DENND5B: variants seen among roughly 807,000 people sequenced by gnomAD.
DENND5B encodes the protein DENN domain-containing protein 5B.
DENND5B carries 34 observed loss-of-function variants against 140.6 expected under a neutral mutation model. That is an observed-to-expected ratio of 0.24 (90% CI 0.18 to 0.32). The LOEUF (loss-of-function observed/expected upper bound fraction) is 0.32, where lower values mean the gene tolerates loss of function less well. DENND5B is among the 10% of genes least tolerant of loss of function. The pLI is 1.00. For synonymous variants in DENND5B, 551 were observed against 562.1 expected (o/e 0.98, Z 0.28); for missense variants, 1,142 against 1,560.2 (o/e 0.73, Z 4.52).
chr12:31,531,311 T>C (rs1429881519), intron 1 of DENND5B, among the ~76,000 whole-genome samples: 1 of 152,218 alleles, frequency 6.6e-6, no homozygotes, highest in African/African-American at 2.4e-5. Flanking sequence ...GCCATTCTCC[T>C]GCCTCAGCCT....
intron 1 of DENND5B, among the ~76,000 whole-genome samples, chr12:31,548,460 T>A (rs1948935960): frequency 6.6e-6 from 1 of 151,906 alleles, no homozygotes. Flanking sequence ...ACCCACAGTA[T>A]CTAAGACCAG....
At chr12:31,545,592 G>C (rs1242923228) in intron 1 of DENND5B, among the ~76,000 whole-genome samples, 2 of 152,194 alleles carry the variant, frequency 1.3e-5, no homozygotes, top group African/African-American at 4.8e-5. Context: ...TAAAATGTAT[G>C]TAGTAATGAA....
intron 1 of DENND5B, among the ~76,000 whole-genome samples, chr12:31,501,671 G>A (rs897535917): frequency 6.6e-6 from 1 of 151,730 alleles, no homozygotes; most frequent in Non-Finnish European, 1.5e-5. Flanking sequence ...TACTTGGGAG[G>A]CTGAGGCAGA....
At chr12:31,553,964 C>G (rs868588584) in intron 1 of DENND5B, among the ~76,000 whole-genome samples, 1 of 152,026 alleles carries the variant, frequency 6.6e-6, no homozygotes, top group Non-Finnish European at 1.5e-5. Flanking sequence ...TGTCTCTGCA[C>G]GTGAGATGGG....
At chr12:31,498,154 C>T (rs538778212) in intron 1 of DENND5B, among the ~76,000 whole-genome samples, 98 of 152,232 alleles carry the variant, frequency 6.4e-4, no homozygotes, top group Admixed American at 3.1e-3. Flanking sequence ...CCTTCACCTA[C>T]CCTCTAACAC....
At chr12:31,522,478 T>C (rs1204017549) in intron 1 of DENND5B, among the ~76,000 whole-genome samples, 1 of 152,200 alleles carries the variant, frequency 6.6e-6, no homozygotes, top group African/African-American at 2.4e-5. Flanking sequence ...AAGGTCTGGC[T>C]CTATTACCCT....
chr12:31,390,079 C>A (rs1289440786), intron 19 of DENND5B, among the ~76,000 whole-genome samples: 1 of 151,468 alleles, frequency 6.6e-6, no homozygotes, highest in Admixed American at 6.6e-5. Context: ...ATGAAATAAA[C>A]TACTTCATCT....
At chr12:31,470,239 C>T (rs181980896) in intron 3 of DENND5B, among the ~76,000 whole-genome samples, 4 of 151,694 alleles carry the variant, frequency 2.6e-5, no homozygotes, top group Admixed American at 1.3e-4. Flanking sequence ...CTCAGCCTCC[C>T]GAGTAGCTGG....
chr12:31,466,095 C>T (rs565199695), intron 3 of DENND5B, among the ~76,000 whole-genome samples: 49 of 152,346 alleles, frequency 3.2e-4, no homozygotes, highest in African/African-American at 9.6e-4. Flanking sequence ...TGTGGTGGCT[C>T]ACGCCTGTAA....
chr12:31,519,062 G>A (rs1046090368), intron 1 of DENND5B, among the ~76,000 whole-genome samples: 1 of 152,196 alleles, frequency 6.6e-6, no homozygotes, highest in East Asian at 1.9e-4. Flanking sequence ...GAGAGTAAAA[G>A]TGGGGCCTAG....
At chr12:31,508,748 A>G (rs2138890874) in intron 1 of DENND5B, among the ~76,000 whole-genome samples, 1 of 152,224 alleles carries the variant, frequency 6.6e-6, no homozygotes, top group Non-Finnish European at 1.5e-5. Flanking sequence ...CTCCCCTACT[A>G]TGTTTGGTGT....
intron 11 of DENND5B, among the ~76,000 whole-genome samples, chr12:31,423,371 A>G (rs1317324059): frequency 6.6e-6 from 1 of 152,196 alleles, no homozygotes; most frequent in Non-Finnish European, 1.5e-5. Context: ...AGCCTAGGTA[A>G]TCTCATTTTT....
At position 31,426,381 on chromosome 12, in the gene DENND5B, T is replaced by A; in HGVS notation, c.2150A>T (p.Gln717Leu). 6.2e-7 allele frequency: 1 copy of A among 1,612,614 alleles called. No individual in the cohort carries two copies. Among genetic ancestry groups the A allele is most frequent in the Non-Finnish European group, 8.5e-7 (1 of 1,179,236 alleles). Residue 717 changes from glutamine (Q) to leucine (L), a missense_variant, in exon 9 of 21, where the codon CAA becomes CTA. Physicochemically the swap from Gln to Leu is moderately radical, Grantham distance 113. Coordinates refer to ENST00000389082, the MANE Select transcript of DENND5B (RefSeq NM_144973.4). The part of the protein sequence containing the change: ...EARSLGKNLR[Q>L]PKLSDLSPAV... The stretch of plus-strand genomic sequence containing the variant: ...AGGAGAGAGGTCTGACAGTTTGGGT[T>A]GCCTCAGGTTTTTTCCTAAACTTCG...
chr12:31,512,077 T>C (rs956633730), intron 1 of DENND5B, among the ~76,000 whole-genome samples: 4 of 149,800 alleles, frequency 2.7e-5, no homozygotes, highest in Admixed American at 2.0e-4. Flanking sequence ...CCACCATGCC[T>C]GGCTAATTTT....
intron 3 of DENND5B, among the ~76,000 whole-genome samples, chr12:31,476,677 C>T (rs543090961): frequency 1.3e-5 from 2 of 152,150 alleles, no homozygotes; most frequent in East Asian, 1.9e-4. Context: ...CTACTCGGGA[C>T]GCTGAGATGG....
chr12:31,447,452 T>C (rs1401626963), intron 6 of DENND5B, 86 bp downstream of exon 6: 5 of 1,220,732 alleles, frequency 4.1e-6, no homozygotes, highest in Non-Finnish European at 5.6e-6. Context: ...AACTGAAAAT[T>C]AATTTTGTTG....
At chr12:31,445,587 C>A (rs562983782) in intron 6 of DENND5B, among the ~76,000 whole-genome samples, 2 of 152,036 alleles carry the variant, frequency 1.3e-5, no homozygotes, top group East Asian at 3.9e-4. Context: ...CATCTGTAGT[C>A]CCAGCTACTT....
chr12:31,468,448 A>G (rs1162511710), intron 3 of DENND5B, among the ~76,000 whole-genome samples: 2 of 152,094 alleles, frequency 1.3e-5, no homozygotes, highest in Admixed American at 6.5e-5. Flanking sequence ...ACAAAACCAT[A>G]AATTAATAAA....
intron 13 of DENND5B, 26 bp downstream of exon 13, chr12:31,413,408 CAG>C (rs1315915348): frequency 6.3e-7 from 1 of 1,599,138 alleles, no homozygotes; most frequent in African/African-American, 1.3e-5. Context: ...ATTATAGAAA[CAG>C]AAATGTATCA....
Sources: gnomAD v4.1 joint callset for allele counts (sites outside exome capture counted in the v4.1 genomes callset) on GRCh38, gnomAD v4.1.1 for gene constraint, MANE v1.5 for transcripts, NCBI Gene and HGNC (gene_info 2026-07-23, HGNC 2026-07-21) for gene names.